Variants in ALCAM observed in about 807,000 individuals in gnomAD.
The protein encoded by ALCAM is activated leukocyte cell adhesion molecule, also known as CD166 antigen.
In ALCAM, 30 loss-of-function variants were observed where a neutral mutation model predicts 70.9. That is an observed-to-expected ratio of 0.42 (90% CI 0.32 to 0.57). ALCAM has a LOEUF of 0.57. Ranked by LOEUF, ALCAM falls within the 20% of genes least tolerant of loss-of-function variation. ALCAM has a pLI of 0.11. For synonymous variants in ALCAM, 249 were observed against 242.5 expected (o/e 1.03, Z -0.25); for missense variants, 591 against 695.1 (o/e 0.85, Z 1.68).
intron 11 of ALCAM, among the ~76,000 whole-genome samples, 196 bp from the exon 12 acceptor site, chr3:105,549,930 CA>C (rs1315963669): frequency 6.6e-6 from 1 of 151,176 alleles, no homozygotes; most frequent in East Asian, 1.9e-4. Context: ...GAAACATAAA[CA>C]GAAATTTCAT....
At chr3:105,523,766 C>A (rs1939617380) in intron 2 of ALCAM, among the ~76,000 whole-genome samples, 1 of 152,178 alleles carries the variant, frequency 6.6e-6, no homozygotes, top group East Asian at 1.9e-4. Flanking sequence ...AGGGTAAATA[C>A]TGTTTCTCCA....
chr3:105,542,420 T>C (rs1940143489), intron 8 of ALCAM, among the ~76,000 whole-genome samples: 1 of 151,784 alleles, frequency 6.6e-6, no homozygotes, highest in Non-Finnish European at 1.5e-5. Flanking sequence ...TTAACTTGAG[T>C]TCTTCATGAC....
intron 15 of ALCAM, among the ~76,000 whole-genome samples, chr3:105,572,631 CGGTTCTA>C (rs1940882715): frequency 2.0e-5 from 3 of 152,102 alleles, no homozygotes; most frequent in African/African-American, 7.2e-5. Context: ...ATGGTATTTC[CGGTTCTA>C]TATCCTTCAG....
chr3:105,469,667 C>T (rs1189022677), intron 1 of ALCAM, among the ~76,000 whole-genome samples: 1 of 151,078 alleles, frequency 6.6e-6, no homozygotes, highest in Admixed American at 6.6e-5. Flanking sequence ...CAATTTGTAG[C>T]TTAGAATTTG....
rs756993410 is a variant in ALCAM, at chr3:105,547,132, A to G, written c.1105-17A>G. On this transcript the variant is annotated splice_polypyrimidine_tract_variant and intron_variant, in intron 9 of 15. Coordinates refer to ENST00000306107, the MANE Select transcript of ALCAM (RefSeq NM_001627.4). ...TTAATTCTGCCACATGAGGTAATTT[A>G]CTTTTTATTTAATCAGGATAACATC... 23 of 1,525,650 alleles carry G rather than the reference A, an allele frequency of 1.5e-5. No individual in the cohort carries two copies. The South Asian group carries it at 2.8e-4, about 19-fold the overall frequency. 94.5% of individuals were successfully genotyped at this position (1,525,650 alleles called of 1,614,324 possible).
At chr3:105,403,839 A>G (rs1559779537) in intron 1 of ALCAM, among the ~76,000 whole-genome samples, 2 of 151,752 alleles carry the variant, frequency 1.3e-5, no homozygotes. Context: ...AAAAAACATG[A>G]TACAGGATAT....
intron 3 of ALCAM, 42 bp downstream of exon 3, chr3:105,524,550 G>A (rs771855354): frequency 2.5e-6 from 4 of 1,611,282 alleles, no homozygotes; most frequent in African/African-American, 1.3e-5. Context: ...TGGGATTGAT[G>A]GCCAGTACCA....
intron 3 of ALCAM, among the ~76,000 whole-genome samples, chr3:105,528,523 A>G (rs1939763799): frequency 6.6e-6 from 1 of 152,210 alleles, no homozygotes; most frequent in Non-Finnish European, 1.5e-5. Flanking sequence ...TAAATATTAC[A>G]TGTAGCTTAA....
chr3:105,538,520 G>A (rs528092468), intron 6 of ALCAM, among the ~76,000 whole-genome samples: 8 of 152,060 alleles, frequency 5.3e-5, no homozygotes, highest in Admixed American at 1.3e-4. Context: ...AATACAAAGC[G>A]GAGCCTATTG....
intron 1 of ALCAM, among the ~76,000 whole-genome samples, chr3:105,409,238 T>A (rs1936326477): frequency 1.3e-5 from 2 of 152,112 alleles, no homozygotes; most frequent in Admixed American, 1.3e-4. Context: ...AAAAGATACT[T>A]GCACATGCAT....
chr3:105,542,133 T>C (rs1054748880), intron 8 of ALCAM, among the ~76,000 whole-genome samples: 6 of 151,870 alleles, frequency 4.0e-5, no homozygotes, highest in African/African-American at 1.4e-4. Context: ...GACCCAGCAT[T>C]ATCATTTGTG....
intron 1 of ALCAM, among the ~76,000 whole-genome samples, chr3:105,513,170 C>T (rs1939287643): frequency 6.7e-6 from 1 of 150,162 alleles, no homozygotes; most frequent in South Asian, 2.1e-4. Context: ...AGGGCCTGTG[C>T]CTTACTTAGC....
At chr3:105,424,199 G>A (rs79003424) in intron 1 of ALCAM, among the ~76,000 whole-genome samples, 4,323 of 151,574 alleles carry the variant, frequency 0.029, 165 homozygotes, top group African/African-American at 0.084. Context: ...CATATGTAAA[G>A]AATAAAATGA....
At chr3:105,406,469 A>G (rs10933816) in intron 1 of ALCAM, among the ~76,000 whole-genome samples, 107,131 of 152,036 alleles carry the variant, frequency 0.7, 38,034 homozygotes, top group East Asian at 0.92. Context: ...CACTCAGTCA[A>G]TACTGAAACA....
Position 105,575,658 on chromosome 3 carries a change from G to C in ALCAM, c.*1207G>C, listed in dbSNP as rs11559013. 6.6e-6 allele frequency: 1 copy of C among 152,252 alleles called. No individual in the cohort carries two copies. Among genetic ancestry groups the C allele is most frequent in the African/African-American group, 2.4e-5 (1 of 41,314 alleles). The allele number at this position is 152,252 out of a possible 1,614,324, so 9.4% of individuals were successfully genotyped here. On this transcript the variant is annotated 3_prime_UTR_variant, in exon 16 of 16. Transcript: ENST00000306107. ...TATGCTTGAGGAAATTTTTAAGGTG[G>C]TAGTATAAATGGAAACTTTTTGAAG...
In ALCAM at chr3:105,367,255, A is replaced by G. The variant is rs1935082319; in HGVS notation, c.-154A>G. ...AAAGTTGCGTGCGGCAGAGAACCGA[A>G]GGTGCAGCGCCACAGCCCAGGGGAC... On this transcript the variant is annotated 5_prime_UTR_variant, in exon 1 of 16. Transcript: ENST00000306107. 4.5e-6 allele frequency: 3 copies of G among 670,440 alleles called. No individual in the cohort carries two copies. The South Asian group carries it at 5.7e-5, about 13-fold the overall frequency. The allele number at this position is 670,440 out of a possible 1,614,324, so 41.5% of individuals were successfully genotyped here.
chr3:105,530,963 T>C (rs867978280), intron 3 of ALCAM, among the ~76,000 whole-genome samples: 4 of 152,032 alleles, frequency 2.6e-5, no homozygotes, highest in Non-Finnish European at 2.9e-5. Context: ...TTTAGTTTAG[T>C]TTGGTAATCA....
chr3:105,506,248 G>T (rs1939074077), intron 1 of ALCAM, among the ~76,000 whole-genome samples: 1 of 152,178 alleles, frequency 6.6e-6, no homozygotes, highest in Non-Finnish European at 1.5e-5. Context: ...GTTTTAAATT[G>T]ATTCTAGGGG....
At chr3:105,552,006 AT>A (rs10716366) in intron 12 of ALCAM, 137 bp from the exon 13 acceptor site, 91,132 of 444,014 alleles carry the variant, frequency 0.21, 1,080 homozygotes, top group Non-Finnish European at 0.23. Flanking sequence ...ATTAAGTGTG[AT>A]TTTTTTTTTT....
Sources: allele counts gnomAD v4.1 joint callset (sites outside exome capture counted in the v4.1 genomes callset), GRCh38; gene constraint gnomAD v4.1.1; transcripts MANE v1.5; gene names NCBI Gene and HGNC (gene_info 2026-07-23, HGNC 2026-07-21).